CSMD3: variants seen among roughly 807,000 people sequenced by gnomAD.
The protein encoded by CSMD3 is CUB and Sushi multiple domains 3, also known as CUB and sushi domain-containing protein 3.
CSMD3 carries 177 observed loss-of-function variants against 435.2 expected under a neutral mutation model. That is an observed-to-expected ratio of 0.41 (90% CI 0.36 to 0.46). The LOEUF is 0.46. Ranked by LOEUF, CSMD3 falls within the 20% of genes least tolerant of loss-of-function variation. The pLI, the probability that CSMD3 is intolerant of heterozygous loss-of-function variation, is 0.34. For missense variants in CSMD3, 4,265 were observed against 4,504.6 expected, an observed-to-expected ratio of 0.95 and a Z score of 1.52; for synonymous variants, 1,656 against 1,520.5, an observed-to-expected ratio of 1.09 and a Z score of -2.07.
intron 1 of CSMD3, chr8:113,376,657 G>T (rs1393786386): frequency 6.6e-7 from 1 of 1,511,332 alleles, no homozygotes; most frequent in Non-Finnish European, 9.2e-7. Flanking sequence ...TGGCCAGGCA[G>T]GAGGCGCCAT....
chr8:113,237,232 T>C (rs962488981), intron 3 of CSMD3, among the ~76,000 whole-genome samples: 2 of 152,148 alleles, frequency 1.3e-5, no homozygotes, highest in African/African-American at 4.8e-5. Context: ...GAACACAATA[T>C]GGATTTGCTT....
chr8:112,519,265 A>G (rs1429195769), intron 27 of CSMD3, among the ~76,000 whole-genome samples: 1 of 152,176 alleles, frequency 6.6e-6, no homozygotes, highest in Non-Finnish European at 1.5e-5. Context: ...TATGCAAAGT[A>G]AGCAGAAATT....
intron 10 of CSMD3, among the ~76,000 whole-genome samples, chr8:112,896,698 T>C (rs1451475100): frequency 6.6e-6 from 1 of 151,516 alleles, no homozygotes. Flanking sequence ...ATTCCATCCA[T>C]GTATTTTGTT....
intron 1 of CSMD3, among the ~76,000 whole-genome samples, chr8:113,410,285 C>T (rs1261052248): frequency 1.3e-5 from 2 of 152,178 alleles, no homozygotes; most frequent in African/African-American, 4.8e-5. Flanking sequence ...ATTAAGAAGA[C>T]TGTGTGTCTA....
At chr8:113,015,599 T>C (rs868612928) in intron 6 of CSMD3, among the ~76,000 whole-genome samples, 25 of 151,836 alleles carry the variant, frequency 1.6e-4, no homozygotes, top group Admixed American at 1.5e-3. Context: ...TGCCTATAGC[T>C]ATGGTATTTA....
chr8:112,815,706 T>A (rs2079355719), intron 12 of CSMD3, among the ~76,000 whole-genome samples: 1 of 152,150 alleles, frequency 6.6e-6, no homozygotes, highest in African/African-American at 2.4e-5. Context: ...CAAATACATA[T>A]ATAAAACAAA....
intron 3 of CSMD3, among the ~76,000 whole-genome samples, chr8:113,238,554 C>A (rs2093176173): frequency 6.6e-6 from 1 of 152,072 alleles, no homozygotes; most frequent in Non-Finnish European, 1.5e-5. Context: ...TCAGCTTCAG[C>A]AAAAGCCCAG....
chr8:112,355,616 G>A (rs567837410), intron 38 of CSMD3, among the ~76,000 whole-genome samples: 58 of 152,184 alleles, frequency 3.8e-4, no homozygotes, highest in Middle Eastern at 6.8e-3. Flanking sequence ...GGTGCATCAC[G>A]AGGTTAGGAG....
intron 3 of CSMD3, among the ~76,000 whole-genome samples, chr8:113,199,711 T>C (rs1181181123): frequency 6.6e-6 from 1 of 151,704 alleles, no homozygotes; most frequent in Non-Finnish European, 1.5e-5. Flanking sequence ...TGGATGTATA[T>C]TTTTATGTGA....
At chr8:113,164,684 G>A (rs750833402) in intron 4 of CSMD3, among the ~76,000 whole-genome samples, 1 of 151,932 alleles carries the variant, frequency 6.6e-6, no homozygotes, top group Non-Finnish European at 1.5e-5. Flanking sequence ...TTAATGATAT[G>A]AAAGAACTTT....
intron 3 of CSMD3, among the ~76,000 whole-genome samples, chr8:113,186,670 G>T (rs534729409): frequency 2.0e-5 from 3 of 151,866 alleles, no homozygotes; most frequent in Non-Finnish European, 2.9e-5. Context: ...GAACTCTTCG[G>T]GGCACTGCTA....
rs557906421 is a variant in CSMD3 at position 113,157,305 on chromosome 8, C to T, written c.709+16417G>A. Among the ~76,000 whole-genome samples the T allele has an allele frequency of 5.6e-4, 86 of 152,228 alleles. 1 individual carries two copies. In the South Asian group the frequency reaches 0.017, roughly 30 times the overall value. The stretch of plus-strand genomic sequence containing the variant: ...AACTGCTTTGACTATAAAGCTCATG[C>T]TGTTTGCTGTGCTTTGATTAACAAA... On this transcript the variant is annotated intron_variant, in intron 4 of 70. Transcript: ENST00000297405.
intron 38 of CSMD3, among the ~76,000 whole-genome samples, chr8:112,367,830 C>A (rs1471634872): frequency 6.6e-6 from 1 of 152,154 alleles, no homozygotes; most frequent in African/African-American, 2.4e-5. Context: ...AAAGCCTATG[C>A]CACATTTTAA....
intron 24 of CSMD3, among the ~76,000 whole-genome samples, chr8:112,560,959 C>T (rs1015246756): frequency 1.8e-4 from 27 of 151,716 alleles, no homozygotes; most frequent in Non-Finnish European, 1.0e-4. Context: ...ATTCATCCTT[C>T]CTTAATTTGA....
chr8:112,283,821 G>T (rs1818902811), intron 58 of CSMD3, among the ~76,000 whole-genome samples: 1 of 151,542 alleles, frequency 6.6e-6, no homozygotes, highest in South Asian at 2.1e-4. Flanking sequence ...AATAATTTCT[G>T]GATCATATTT....
chr8:113,278,133 G>T (rs1180339399), intron 3 of CSMD3, among the ~76,000 whole-genome samples: 1 of 151,820 alleles, frequency 6.6e-6, no homozygotes, highest in Admixed American at 6.6e-5. Flanking sequence ...CCTCTTCCTG[G>T]TTTAAGGGAT....
chr8:112,645,271 C>G (rs763742090), intron 19 of CSMD3, 46 bp from the exon 20 acceptor site: 2 of 1,038,406 alleles, frequency 1.9e-6, no homozygotes, highest in East Asian at 2.4e-5. Context: ...GTGAGAGAGA[C>G]AGAGGGTGAA....
At chr8:112,776,573 T>C (rs1219590179) in intron 13 of CSMD3, among the ~76,000 whole-genome samples, 1 of 151,772 alleles carries the variant, frequency 6.6e-6, no homozygotes, top group Non-Finnish European at 1.5e-5. Context: ...TCCATTTTCT[T>C]GAACATTAAT....
intron 5 of CSMD3, among the ~76,000 whole-genome samples, chr8:113,065,108 T>C (rs897500835): frequency 7.9e-5 from 12 of 152,168 alleles, no homozygotes; most frequent in African/African-American, 1.7e-4. Flanking sequence ...ATGAGCTAAT[T>C]AGGTATAAAT....
Sources: allele counts gnomAD v4.1 joint callset (sites outside exome capture counted in the v4.1 genomes callset), GRCh38; gene constraint gnomAD v4.1.1; transcripts MANE v1.5; gene names NCBI Gene and HGNC (gene_info 2026-07-23, HGNC 2026-07-21).